MAP3K11: variants seen among roughly 807,000 people sequenced by gnomAD.
MAP3K11 encodes mitogen-activated protein kinase kinase kinase 11.
A neutral mutation model predicts 84.9 loss-of-function variants in MAP3K11; 46 were observed. The ratio of observed to expected loss-of-function variants is 0.54; its 90% CI spans 0.43 to 0.69. MAP3K11 has a LOEUF of 0.69. Among genes scored for constraint, MAP3K11 ranks in the 30% least tolerant of loss-of-function variants. The pLI, the probability that MAP3K11 is intolerant of heterozygous loss-of-function variation, is 0.00. For synonymous variants in MAP3K11, 527 were observed against 514.7 expected, an observed-to-expected ratio of 1.02 and a Z score of -0.32; for missense variants, 1,053 against 1,198.3, an observed-to-expected ratio of 0.88 and a Z score of 1.79.
At chr11:65,601,184 C>G (rs1465780143) in intron 8 of MAP3K11, among the ~76,000 whole-genome samples, 1 of 152,198 alleles carries the variant, frequency 6.6e-6, no homozygotes. Flanking sequence ...GCCAGGTTGC[C>G]TTTTCCTTGG....
Position 65,598,499 on chromosome 11 carries a change from C to A in MAP3K11, c.2336G>T (p.Trp779Leu). The change falls in exon 10 of 10, where the codon TGG becomes TTG. Residue 779 changes from tryptophan (W) to leucine (L), a missense_variant. By Grantham distance (61) the Trp-to-Leu change is moderately conservative (BLOSUM62 -2). Around this residue, in one of 3 missense-constraint regions of MAP3K11, gnomAD observed 583 missense variants for 566.6 expected, o/e 1.03. Coordinates refer to ENST00000309100, the MANE Select transcript of MAP3K11 (RefSeq NM_002419.4). The part of the protein sequence containing the change: ...PSPLRSRIDP[W>L]SFVSAGPRPS... Reference sequence around the variant, plus strand: ...CCGTGGCCCAGCTGACACAAAGCTCCAGGGATCAATGCGGCTGCGAAGGGG... The same window carrying A: ...CCGTGGCCCAGCTGACACAAAGCTCAAGGGATCAATGCGGCTGCGAAGGGG... 6.2e-7 allele frequency: 1 copy of A among 1,613,676 alleles called. No homozygotes were observed. Among genetic ancestry groups the A allele is most frequent in the Non-Finnish European group, 8.5e-7 (1 of 1,179,788 alleles).
chr11:65,607,862 G>A, intron 3 of MAP3K11, 46 bp from the exon 4 acceptor site: 2 of 1,606,360 alleles, frequency 1.2e-6, no homozygotes, highest in Non-Finnish European at 1.7e-6. Flanking sequence ...AGGGGTCCGT[G>A]GGTGGATGTG....
rs1358887347 is a variant in MAP3K11, at chr11:65,607,821, G to A, written c.1070-5C>T. On this transcript the variant is annotated splice_polypyrimidine_tract_variant and splice_region_variant and intron_variant, in intron 3 of 9. Transcript: ENST00000309100. Reference sequence around the variant, plus strand: ...GGGGGTCCTGCGCCCAGCAGTCTAGGGGCACGGCGTGCAGCGGGGACAGAA... The same window carrying A: ...GGGGGTCCTGCGCCCAGCAGTCTAGAGGCACGGCGTGCAGCGGGGACAGAA... 3 of 1,609,232 alleles carry A rather than the reference G, an allele frequency of 1.9e-6. No homozygotes were observed. The highest frequency in any genetic ancestry group is 2.2e-5 in the East Asian group (1 of 44,746).
rs1173591915 is a variant in MAP3K11, at chr11:65,598,411, G to A, written c.2424C>T (p.Asp808=). The A allele has an allele frequency of 6.3e-7, 1 of 1,589,382 alleles. No individual in the cohort carries two copies. Among genetic ancestry groups the A allele is most frequent in the South Asian group, 1.1e-5 (1 of 87,318 alleles). ...GTGGGGAGTCCCAGAAGGGGTCTGA[G>A]TCCGGGAACAAGGTCCAGGGTGCTC... ...PRRAPWTLFP[D]SDPFWDSPPA... Residue 808 remains aspartate, a synonymous_variant, in exon 10 of 10, where the codon GAC becomes GAT. Coordinates refer to ENST00000309100, the MANE Select transcript of MAP3K11 (RefSeq NM_002419.4).
chr11:65,608,993 A>G (rs926059563), intron 1 of MAP3K11: 7 of 154,620 alleles, frequency 4.5e-5, no homozygotes, highest in Admixed American at 1.9e-4. Context: ...CAGATGAGGA[A>G]ACCAAGCAGG....
chr11:65,604,434 G>A (rs578019935), intron 8 of MAP3K11, among the ~76,000 whole-genome samples: 1 of 152,250 alleles, frequency 6.6e-6, no homozygotes, highest in Non-Finnish European at 1.5e-5. Context: ...AGTCCCTGCA[G>A]GACAGATGCT....
intron 6 of MAP3K11, 145 bp downstream of exon 6, chr11:65,606,546 G>C: frequency 1.7e-6 from 1 of 581,116 alleles, no homozygotes; most frequent in Non-Finnish European, 3.0e-6. Context: ...GGGGAGTTCA[G>C]AGGTAACAGG....
chr11:65,604,987 C>G (rs1475754703), intron 8 of MAP3K11, among the ~76,000 whole-genome samples: 5 of 152,168 alleles, frequency 3.3e-5, no homozygotes, highest in African/African-American at 4.8e-5. Context: ...GCTTCCTAAG[C>G]AGTCTATACG....
rs760824405 is a variant in MAP3K11, at chr11:65,606,742, C to T, written c.1552G>A (p.Glu518Lys). 6.2e-7 allele frequency: 1 copy of T among 1,605,298 alleles called. No individual in the cohort carries two copies. Among genetic ancestry groups the T allele is most frequent in the South Asian group, 1.1e-5 (1 of 89,216 alleles). Residue 518 changes from glutamate to lysine, a missense_variant, in exon 6 of 10, where the codon GAG becomes AAG. By Grantham distance (56) the Glu-to-Lys change is moderately conservative. Transcript: ENST00000309100. ...PGLDRRRNVF[E>K]VGPGDSPTFP... is the part of the protein sequence containing the mutation. ...GTGGGCGAATCCCCAGGCCCGACCT[C>T]GAAGACGTTTCTCCTCCGGTCAAGG...
At position 65,613,273 on chromosome 11, in the gene MAP3K11, G is replaced by A. The variant is rs199497456; in HGVS notation, c.484C>T (p.Arg162Cys). Residue 162 changes from arginine (R) to cysteine (C), a missense_variant, in exon 1 of 10, where the codon CGC (arginine) becomes TGC (cysteine). Arg to Cys is a radical substitution (Grantham distance 180, BLOSUM62 -3). This residue lies in a region of MAP3K11 where 310 missense variants were observed against 464.5 expected (regional missense o/e 0.67). Transcript: ENST00000309100. ...EDISVTAESV[R>C]QEARLFAMLA... ...ATGGCGAAGAGCCGGGCCTCCTGGC[G>A]AACGCTCTCGGCTGTCACACTGATG... 6.8e-6 allele frequency: 11 copies of A among 1,612,238 alleles called. No homozygotes were observed. The highest frequency in any genetic ancestry group is 4.5e-5 in the East Asian group (2 of 44,850).
Position 65,608,343 on chromosome 11 carries a change from G to C in MAP3K11, c.845C>G (p.Ala282Gly), listed in dbSNP as rs34594252. ...REWHKTTQMSAAGTYAWMAPE... is the reference protein window; with the variant it reads ...REWHKTTQMSGAGTYAWMAPE... ...AGCCATCCAGGCGTAGGTGCCCGCG[G>C]CACTCATTTGTGTGGTTTTGTGCCA... Residue 282 changes from alanine to glycine, a missense_variant, in exon 2 of 10, where the codon GCC becomes GGC. By Grantham distance (60) the Ala-to-Gly change is moderately conservative. Transcript: ENST00000309100. 8.1e-6 allele frequency: 13 copies of C among 1,614,216 alleles called. No individual in the cohort carries two copies. In the East Asian group the frequency reaches 2.9e-4, roughly 36 times the overall value.
Position 65,607,362 on chromosome 11 carries a change from C to G in MAP3K11, c.1397G>C (p.Arg466Pro). The G allele has an allele frequency of 6.7e-7, 1 of 1,499,616 alleles. No individual in the cohort carries two copies. Among genetic ancestry groups the G allele is most frequent in the Non-Finnish European group, 8.8e-7 (1 of 1,132,574 alleles). The allele number at this position is 1,499,616 out of a possible 1,614,324, so 92.9% of individuals were successfully genotyped here. The change falls in exon 5 of 10, where the codon CGC (arginine) becomes CCC (proline). Residue 466 changes from arginine to proline, a missense_variant. Transcript: ENST00000309100. ...GCGGCGGCGCACGTGCGGTCGCTCG[C>G]GGTCCACCTGCTGCAGCAGCAGCGT... ...ELTLLLQQVDRERPHVRRRRG... is the reference protein window; with the variant it reads ...ELTLLLQQVDPERPHVRRRRG...
chr11:65,605,915 T>A, intron 7 of MAP3K11, 31 bp downstream of exon 7: 1 of 1,610,034 alleles, frequency 6.2e-7, no homozygotes, highest in Non-Finnish European at 8.5e-7. Context: ...AAGCAAATGA[T>A]GCTGGGTCTG....
In MAP3K11 at chr11:65,599,495, G is replaced by A. The variant is rs752003340; in HGVS notation, c.2105C>T (p.Thr702Met). The A allele has an allele frequency of 1.2e-5, 18 of 1,499,002 alleles. No individual in the cohort carries two copies. The highest frequency in any genetic ancestry group is 8.3e-5 in the Admixed American group (3 of 36,124). The allele number at this position is 1,499,002 out of a possible 1,614,324, so 92.9% of individuals were successfully genotyped here. A position where few individuals can be genotyped will look rare whatever the true frequency, so the allele number is the denominator to read the frequency against. ...TGCAGGAGTGGGCGGGGAGTCGGGC[G>A]TCTTGAGCGAGAAGCAGATGAGCGG... is the stretch of plus-strand genomic sequence containing the variant. Reference protein sequence around the residue: ...PSPLICFSLKTPDSPPTPAPL... With the variant: ...PSPLICFSLKMPDSPPTPAPL... Residue 702 changes from threonine to methionine, a missense_variant, in exon 9 of 10, where the codon ACG becomes ATG. Coordinates refer to ENST00000309100, the MANE Select transcript of MAP3K11 (RefSeq NM_002419.4).
chr11:65,597,948 G>A lies in MAP3K11; in HGVS notation c.*343C>T. On this transcript the variant is annotated 3_prime_UTR_variant, in exon 10 of 10. Transcript: ENST00000309100. Reference sequence around the variant, plus strand: ...GCAGGACTTGGTCAAAAGTGCTGGTGACAGCTGAGGCCGGCCCCTCTTCCC... The same window carrying A: ...GCAGGACTTGGTCAAAAGTGCTGGTAACAGCTGAGGCCGGCCCCTCTTCCC... The A allele has an allele frequency of 4.2e-6, 1 of 240,594 alleles. No individual in the cohort carries two copies. The highest frequency in any genetic ancestry group is 8.0e-6 in the Non-Finnish European group (1 of 125,560). 14.9% of individuals were successfully genotyped at this position (240,594 alleles called of 1,614,324 possible).
rs756339382 is a variant in MAP3K11 at position 65,599,504 on chromosome 11, G to A, written c.2096C>T (p.Ser699Leu). Residue 699 changes from serine (S) to leucine (L), a missense_variant, in exon 9 of 10, where the codon TCG becomes TTG. Coordinates refer to ENST00000309100, the MANE Select transcript of MAP3K11 (RefSeq NM_002419.4). ...GGGCGGGGAGTCGGGCGTCTTGAGC[G>A]AGAAGCAGATGAGCGGGGAAGGGGG... is the stretch of plus-strand genomic sequence containing the variant. ...EPPPSPLICF[S>L]LKTPDSPPTP... 2.1e-5 allele frequency: 31 copies of A among 1,498,042 alleles called. No individual in the cohort carries two copies. Among genetic ancestry groups the A allele is most frequent in the Admixed American group, 8.3e-5 (3 of 36,156 alleles). 92.8% of individuals were successfully genotyped at this position (1,498,042 alleles called of 1,614,324 possible). A position where few individuals can be genotyped will look rare whatever the true frequency, so the allele number is the denominator to read the frequency against.
At chr11:65,600,930 C>T (rs990720684) in intron 8 of MAP3K11, among the ~76,000 whole-genome samples, 2 of 152,200 alleles carry the variant, frequency 1.3e-5, no homozygotes, top group African/African-American at 2.4e-5. Context: ...CAGCCCCAAC[C>T]CTTACTCAGA....
chr11:65,607,318 T>G lies in MAP3K11; in HGVS notation c.1441A>C (p.Ser481Arg). The change falls in exon 5 of 10, where the codon AGC (serine) becomes CGC (arginine). Residue 481 changes from serine (S) to arginine (R), a missense_variant. Transcript: ENST00000309100. ...VRRRRGTFKR[S>R]KLRARDGGER... ...CCGCCGTCGCGCGCCCGGAGCTTGC[T>G]GCGCTTGAATGTCCCGCGGCGGCGG... 6.6e-7 allele frequency: 1 copy of G among 1,520,960 alleles called. No homozygotes were observed. Among genetic ancestry groups the G allele is most frequent in the Non-Finnish European group, 8.7e-7 (1 of 1,143,380 alleles). 94.2% of individuals were successfully genotyped at this position (1,520,960 alleles called of 1,614,324 possible). A position where few individuals can be genotyped will look rare whatever the true frequency, so the allele number is the denominator to read the frequency against.
At chr11:65,606,867 C>T in intron 5 of MAP3K11, 63 bp from the exon 6 acceptor site, 1 of 1,070,430 alleles carries the variant, frequency 9.3e-7, no homozygotes, top group Non-Finnish European at 1.4e-6. Flanking sequence ...AGGACCCCAA[C>T]CTGCAGGGGC....
Sources: allele counts gnomAD v4.1 joint callset (sites outside exome capture counted in the v4.1 genomes callset), GRCh38; gene constraint gnomAD v4.1.1; regional missense constraint gnomAD v4.1.1; transcripts MANE v1.5; gene names NCBI Gene and HGNC (gene_info 2026-07-23, HGNC 2026-07-21).